Variants in PCDHA7 observed in about 807,000 individuals in gnomAD.
The protein encoded by PCDHA7 is protocadherin alpha-7.
Under a neutral mutation model 57.2 loss-of-function variants are expected in PCDHA7, and 37 were observed. That is an observed-to-expected ratio of 0.65 (90% CI 0.50 to 0.85). PCDHA7 has a LOEUF of 0.85. Among genes scored for constraint, PCDHA7 ranks in the 40% least tolerant of loss-of-function variants. The probability of loss-of-function intolerance (pLI) is 0.00; values close to 1 mark genes in which losing one functional copy is unlikely to be tolerated. For synonymous variants in PCDHA7, 553 were observed against 558.8 expected (o/e 0.99, Z 0.15); for missense variants, 1,188 against 1,241.8 (o/e 0.96, Z 0.65).
intron 3 of PCDHA7, among the ~76,000 whole-genome samples, chr5:140,996,441 C>G (rs2097726719): frequency 6.6e-6 from 1 of 152,146 alleles, no homozygotes; most frequent in Non-Finnish European, 1.5e-5. Context: ...TAGTCAGTGT[C>G]AAGTTGTGGT....
intron 1 of PCDHA7, chr5:140,882,756 G>T: frequency 6.2e-7 from 1 of 1,614,238 alleles, no homozygotes; most frequent in Non-Finnish European, 8.5e-7. Flanking sequence ...GCAGATATTG[G>T]AGTAAACTCG....
intron 1 of PCDHA7, chr5:140,842,983 C>G (rs2150349153): frequency 6.3e-7 from 1 of 1,594,998 alleles, no homozygotes; most frequent in Non-Finnish European, 8.6e-7. Flanking sequence ...TGCAGGTGTT[C>G]GTGCTGGACG....
intron 1 of PCDHA7, among the ~76,000 whole-genome samples, chr5:140,886,063 G>A (rs547299842): frequency 3.3e-5 from 5 of 152,172 alleles, no homozygotes; most frequent in East Asian, 1.9e-4. Flanking sequence ...TTACAAAAGC[G>A]TAGGGCCATA....
intron 1 of PCDHA7, chr5:140,850,295 C>G (rs2150478300): frequency 5.6e-6 from 9 of 1,596,420 alleles, no homozygotes; most frequent in Non-Finnish European, 7.7e-6. Flanking sequence ...TGGACGCCGA[C>G]TCGGGCTACA....
At chr5:141,003,609 G>A (rs2098131688) in intron 3 of PCDHA7, among the ~76,000 whole-genome samples, 1 of 151,970 alleles carries the variant, frequency 6.6e-6, no homozygotes, top group Non-Finnish European at 1.5e-5. Context: ...CACCATTCCC[G>A]GCCCCAGAGG....
At chr5:140,861,758 T>C (rs1469300232) in intron 1 of PCDHA7, 1 of 93,472 alleles carries the variant, frequency 1.1e-5, no homozygotes, top group African/African-American at 4.7e-5. Context: ...TGATTATTTT[T>C]CCCTGGAAAT....
At chr5:140,852,885 ATT>A (rs879977429) in intron 1 of PCDHA7, 59 of 776,660 alleles carry the variant, frequency 7.6e-5, no homozygotes, top group Non-Finnish European at 8.1e-5. Flanking sequence ...CATAAAACGT[ATT>A]TTTTTTTTTG....
At chr5:140,849,600 A>G (rs2040983382) in intron 1 of PCDHA7, 1 of 1,598,580 alleles carries the variant, frequency 6.3e-7, no homozygotes, top group Non-Finnish European at 8.6e-7. Context: ...GGGGACAGTT[A>G]TTGCCCTGAT....
Position 140,835,663 on chromosome 5 carries a change from C to T in PCDHA7, c.1280C>T (p.Ala427Val), listed in dbSNP as rs1249758735. 5.0e-6 allele frequency: 8 copies of T among 1,613,782 alleles called. No individual in the cohort carries two copies. Among genetic ancestry groups the T allele is most frequent in the Non-Finnish European group, 6.8e-6 (8 of 1,179,882 alleles). The change falls in exon 1 of 4, where the codon GCG (alanine) becomes GTG (valine). Residue 427 changes from alanine (A) to valine (V), a missense_variant. Physicochemically the swap from Ala to Val is moderately conservative, Grantham distance 64. Around this residue, in one of 3 missense-constraint regions of PCDHA7, gnomAD observed 892 missense variants for 788.5 expected, o/e 1.13. Coordinates refer to ENST00000525929, the MANE Select transcript of PCDHA7 (RefSeq NM_018910.3). ...TCCGCCTATGAGCTGGTGGTTACCGCGCGGGACGGGGGCTCGCCTTCTCTG... is the reference window on the plus strand; with the variant it reads ...TCCGCCTATGAGCTGGTGGTTACCGTGCGGGACGGGGGCTCGCCTTCTCTG... ...SVSAYELVVTARDGGSPSLWA... is the reference protein window; with the variant it reads ...SVSAYELVVTVRDGGSPSLWA...
intron 1 of PCDHA7, among the ~76,000 whole-genome samples, chr5:140,952,764 G>A (rs1554220603): frequency 6.6e-6 from 1 of 152,116 alleles, no homozygotes; most frequent in Non-Finnish European, 1.5e-5. Flanking sequence ...CCTGAGACTG[G>A]ATAATTTAGA....
chr5:140,842,210 C>G (rs782194934), intron 1 of PCDHA7: 1 of 1,613,418 alleles, frequency 6.2e-7, no homozygotes. Flanking sequence ...TAGCATAGAT[C>G]GAAATACGGG....
intron 1 of PCDHA7, among the ~76,000 whole-genome samples, chr5:140,936,658 G>A (rs1385566642): frequency 6.6e-6 from 1 of 152,174 alleles, no homozygotes; most frequent in Non-Finnish European, 1.5e-5. Context: ...TATATATTCT[G>A]TTTCTGGACT....
chr5:140,847,830 A>G lies in PCDHA7; in HGVS notation c.2355+11092A>G, dbSNP rs137920365. The G allele has an allele frequency of 3.3e-5, 5 of 149,914 alleles. No homozygotes were observed. In the East Asian group the frequency reaches 7.7e-4, roughly 23 times the overall value. The allele number at this position is 149,914 out of a possible 1,614,324, so 9.3% of individuals were successfully genotyped here. ...ATTCATAGAATTACTCAAGAAAACT[A>G]CCTCAGTTGGTTGCTACTTTTTGTT... On this transcript the variant is annotated intron_variant, in intron 1 of 3. Transcript: ENST00000525929.
In PCDHA7 at chr5:140,843,009, C is replaced by T. The variant is rs2150350021; in HGVS notation, c.2355+6271C>T. ...GTGCTGGACGAGAATGACAACGCGC[C>T]GGCACTGCTGGAGCCTCGGGTGGGT... On this transcript the variant is annotated intron_variant, in intron 1 of 3. Coordinates refer to ENST00000525929, the MANE Select transcript of PCDHA7 (RefSeq NM_018910.3). 32 of 1,595,058 alleles carry T rather than the reference C, an allele frequency of 2.0e-5. 4 individuals carry two copies. In the Middle Eastern group the frequency reaches 6.8e-4, roughly 34 times the overall value.
chr5:140,835,567 T>C lies in PCDHA7; in HGVS notation c.1184T>C (p.Phe395Ser), dbSNP rs2150238400. Reference protein sequence around the residue: ...VTCSLTPRVPFKLVSTFKNYY... With the variant: ...VTCSLTPRVPSKLVSTFKNYY... ...TGCTCCCTGACGCCCCGCGTTCCCT[T>C]CAAGTTGGTGTCCACCTTCAAGAAT... Residue 395 changes from phenylalanine to serine, a missense_variant, in exon 1 of 4, where the codon TTC becomes TCC. Physicochemically the swap from Phe to Ser is radical, Grantham distance 155. Coordinates refer to ENST00000525929, the MANE Select transcript of PCDHA7 (RefSeq NM_018910.3). 1 of 1,613,882 alleles carries C rather than the reference T, an allele frequency of 6.2e-7. No individual in the cohort carries two copies. Among genetic ancestry groups the C allele is most frequent in the South Asian group, 1.1e-5 (1 of 91,072 alleles).
intron 1 of PCDHA7, chr5:140,852,648 C>T: frequency 1.0e-6 from 1 of 958,186 alleles, no homozygotes; most frequent in Non-Finnish European, 1.3e-6. Flanking sequence ...TTAAACCTAT[C>T]TATATCTGTC....
At chr5:140,969,606 C>T (rs2096345912) in intron 1 of PCDHA7, 1 of 758,598 alleles carries the variant, frequency 1.3e-6, no homozygotes, top group South Asian at 2.1e-5. Context: ...AATGCTAAAA[C>T]ACAGATTTGT....
intron 1 of PCDHA7, chr5:140,866,167 CAT>C (rs1328596564): frequency 7.9e-5 from 12 of 152,072 alleles, no homozygotes; most frequent in African/African-American, 2.9e-4. Flanking sequence ...AATCGTTTAA[CAT>C]GTAAGAAAAG....
At chr5:140,985,851 TG>T (rs1269261138) in intron 3 of PCDHA7, among the ~76,000 whole-genome samples, 1 of 149,322 alleles carries the variant, frequency 6.7e-6, no homozygotes, top group Non-Finnish European at 1.5e-5. Flanking sequence ...GCCACTCTCC[TG>T]CCTCAGCCTC....
Sources: gnomAD v4.1 joint callset for allele counts (sites outside exome capture counted in the v4.1 genomes callset) on GRCh38, gnomAD v4.1.1 for gene constraint, gnomAD v4.1.1 regional missense constraint, MANE v1.5 for transcripts, NCBI Gene and HGNC (gene_info 2026-07-23, HGNC 2026-07-21) for gene names.